XKR6: variants seen among roughly 807,000 people sequenced by gnomAD.
The protein encoded by XKR6 is XK-related protein 6.
Under a neutral mutation model 56.7 loss-of-function variants are expected in XKR6, and 22 were observed. The observed-to-expected ratio is 0.39, with a 90% CI of 0.28 to 0.55. The LOEUF is 0.55. XKR6 is among the 20% of genes least tolerant of loss of function. The pLI is 0.66. For missense variants in XKR6, 852 were observed against 889.0 expected (o/e 0.96, Z 0.53); for synonymous variants, 524 against 387.8 (o/e 1.35, Z -4.13).
At chr8:10,926,494 A>T (rs1256961861) in intron 1 of XKR6, among the ~76,000 whole-genome samples, 1 of 152,214 alleles carries the variant, frequency 6.6e-6, no homozygotes, top group African/African-American at 2.4e-5. Context: ...TTCTCTCCAG[A>T]CCCACCCCCT....
chr8:10,996,639 G>A (rs959051297), intron 1 of XKR6, among the ~76,000 whole-genome samples: 8 of 152,170 alleles, frequency 5.3e-5, no homozygotes, highest in South Asian at 2.1e-4. Context: ...TGAGGGGCAG[G>A]GGTAAGGGAT....
intron 1 of XKR6, among the ~76,000 whole-genome samples, chr8:10,938,263 G>C (rs1401966016): frequency 1.3e-5 from 2 of 152,128 alleles, no homozygotes; most frequent in Non-Finnish European, 2.9e-5. Context: ...TTCGGCTCGC[G>C]CACGGTGCGC....
At chr8:11,176,794 G>A (rs1014841949) in intron 1 of XKR6, among the ~76,000 whole-genome samples, 1 of 152,038 alleles carries the variant, frequency 6.6e-6, no homozygotes, top group Non-Finnish European at 1.5e-5. Context: ...AATCCAAGCA[G>A]GAGACCTCCT....
chr8:11,110,346 C>A (rs879312434), intron 1 of XKR6, among the ~76,000 whole-genome samples: 2 of 152,074 alleles, frequency 1.3e-5, no homozygotes, highest in Non-Finnish European at 2.9e-5. Context: ...TTAAAACAAG[C>A]AAAGCAAAAA....
chr8:10,960,201 C>CAGCAGGTGGGTGCAGGTAT (rs1802019393), intron 1 of XKR6, among the ~76,000 whole-genome samples: 3 of 151,080 alleles, frequency 2.0e-5, no homozygotes, highest in Admixed American at 6.6e-5. Context: ...GGTGCAGGTA[C>CAGCAGGTGGGTGCAGGTAT]AGCAGGTGGG....
At chr8:11,065,604 C>A (rs1196012823) in intron 1 of XKR6, among the ~76,000 whole-genome samples, 1 of 151,542 alleles carries the variant, frequency 6.6e-6, no homozygotes, top group Non-Finnish European at 1.5e-5. Flanking sequence ...CCTGGGAAAT[C>A]CCTGCTTTGG....
intron 1 of XKR6, chr8:11,128,859 TCAGCCAAGC>T (rs1259310947): frequency 2.2e-6 from 1 of 456,880 alleles, no homozygotes; most frequent in South Asian, 1.5e-5. Flanking sequence ...GTCACCATCT[TCAGCCAAGC>T]CACCATCATC....
Position 11,200,858 on chromosome 8 carries a change from T to A in XKR6, c.482A>T (p.Tyr161Phe). 1 of 1,611,944 alleles carries A rather than the reference T, an allele frequency of 6.2e-7. No individual in the cohort carries two copies. Among genetic ancestry groups the A allele is most frequent in the Non-Finnish European group, 8.5e-7 (1 of 1,179,518 alleles). Reference sequence around the variant, plus strand: ...CACGAAGAAGAGGGTCAGCCCGAAGTAGACGTAGTCCCCCTTGCGGTAGTA... The same window carrying A: ...CACGAAGAAGAGGGTCAGCCCGAAGAAGACGTAGTCCCCCTTGCGGTAGTA... ...LDYYRKGDYV[Y>F]FGLTLFFVLV... The change falls in exon 1 of 3, where the codon TAC (tyrosine) becomes TTC (phenylalanine). Residue 161 changes from tyrosine (Y) to phenylalanine (F), a missense_variant. By Grantham distance (22) the Tyr-to-Phe change is conservative. This residue lies in a region of XKR6 where 417 missense variants were observed against 355.2 expected (regional missense o/e 1.17). Coordinates refer to ENST00000416569, the MANE Select transcript of XKR6 (RefSeq NM_173683.4). The surrounding 1 kb of genome is among the most constrained non-coding windows in gnomAD (Gnocchi z 6.4).
chr8:11,065,461 C>G (rs1480741478), intron 1 of XKR6, among the ~76,000 whole-genome samples: 2 of 152,206 alleles, frequency 1.3e-5, no homozygotes, highest in Non-Finnish European at 2.9e-5. Flanking sequence ...TCCTTGGATG[C>G]AACGTTTCCC....
At chr8:11,005,509 T>C (rs1484617819) in intron 1 of XKR6, among the ~76,000 whole-genome samples, 1 of 152,188 alleles carries the variant, frequency 6.6e-6, no homozygotes, top group Non-Finnish European at 1.5e-5. Context: ...TACAACACCA[T>C]GGATGTACTC....
At chr8:11,015,848 A>T (rs1432362953) in intron 1 of XKR6, among the ~76,000 whole-genome samples, 1 of 152,186 alleles carries the variant, frequency 6.6e-6, no homozygotes, top group African/African-American at 2.4e-5. Flanking sequence ...GAGGACGCTG[A>T]GGCTCGCCGG....
chr8:11,022,120 G>A (rs996923139), intron 1 of XKR6, among the ~76,000 whole-genome samples: 3 of 149,042 alleles, frequency 2.0e-5, no homozygotes, highest in Non-Finnish European at 3.0e-5. Context: ...AGAGCTTTCA[G>A]TCCACAGACA....
At chr8:11,048,350 G>A (rs182259614) in intron 1 of XKR6, among the ~76,000 whole-genome samples, 1 of 152,230 alleles carries the variant, frequency 6.6e-6, no homozygotes, top group Non-Finnish European at 1.5e-5. Flanking sequence ...TTCTCGCCAG[G>A]GGGAGGGAAA....
chr8:11,069,399 T>C (rs577364265), intron 1 of XKR6, among the ~76,000 whole-genome samples: 1 of 151,926 alleles, frequency 6.6e-6, no homozygotes, highest in Non-Finnish European at 1.5e-5. Context: ...CCACCCACAG[T>C]ATCTCTCCCG....
chr8:11,127,868 C>T (rs143276164), intron 1 of XKR6, among the ~76,000 whole-genome samples: 7 of 152,256 alleles, frequency 4.6e-5, no homozygotes, highest in East Asian at 1.9e-4. Context: ...ACTGATTTGA[C>T]GTTAACCAGT....
chr8:11,158,846 GA>G (rs779033505), intron 1 of XKR6, among the ~76,000 whole-genome samples: 6 of 152,282 alleles, frequency 3.9e-5, no homozygotes, highest in Non-Finnish European at 7.4e-5. Context: ...AAGCCTAGGA[GA>G]AAGGGAATAA....
At chr8:10,960,856 T>G (rs1205760354) in intron 1 of XKR6, among the ~76,000 whole-genome samples, 1 of 152,162 alleles carries the variant, frequency 6.6e-6, no homozygotes, top group Non-Finnish European at 1.5e-5. Flanking sequence ...GGGAGATCGC[T>G]TGCATTCCAG....
At chr8:11,048,396 C>T (rs1056139810) in intron 1 of XKR6, among the ~76,000 whole-genome samples, 11 of 152,142 alleles carry the variant, frequency 7.2e-5, no homozygotes, top group Admixed American at 5.2e-4. Flanking sequence ...TCTCTCCCCG[C>T]CCCGCCCACC....
intron 1 of XKR6, among the ~76,000 whole-genome samples, chr8:10,985,553 CA>C (rs1368180624): frequency 6.7e-6 from 1 of 148,926 alleles, no homozygotes; most frequent in Non-Finnish European, 1.5e-5. Context: ...CAAAAATTAC[CA>C]AAACTTACTC....
Sources: gnomAD v4.1 joint callset for allele counts (sites outside exome capture counted in the v4.1 genomes callset) on GRCh38, gnomAD v4.1.1 for gene constraint, gnomAD v4.1.1 regional missense constraint, Gnocchi (gnomAD v3.1) non-coding constraint, MANE v1.5 for transcripts, NCBI Gene and HGNC (gene_info 2026-07-23, HGNC 2026-07-21) for gene names.